The following PPP1R8 variants were observed in gnomAD, a reference collection of about 807,000 sequenced individuals.
PPP1R8 encodes the protein protein phosphatase 1 regulatory subunit 8, also known as nuclear inhibitor of protein phosphatase 1.
A neutral mutation model predicts 31.3 loss-of-function variants in PPP1R8; 4 were observed. The observed-to-expected ratio is 0.13, with a 90% CI of 0.06 to 0.29. The LOEUF (loss-of-function observed/expected upper bound fraction) is 0.29. PPP1R8 is among the 10% of genes least tolerant of loss of function. The pLI is 1.00. For synonymous variants in PPP1R8, 170 were observed against 169.7 expected (o/e 1.00, Z -0.01); for missense variants, 254 against 440.1 (o/e 0.58, Z 3.78).
chr1:27,839,923 T>C (rs1003004898), intron 3 of PPP1R8, among the ~76,000 whole-genome samples: 1 of 151,918 alleles, frequency 6.6e-6, no homozygotes, highest in African/African-American at 2.4e-5. Context: ...TAGCCCTGTA[T>C]TGTGGAGTGC....
At chr1:27,835,100 C>CT (rs1290447652) in intron 2 of PPP1R8, among the ~76,000 whole-genome samples, 6 of 151,418 alleles carry the variant, frequency 4.0e-5, no homozygotes, top group Admixed American at 1.3e-4. Flanking sequence ...TGGAGGCACT[C>CT]TTTTTTTTTC....
In PPP1R8 at chr1:27,838,800, A is replaced by C. The variant is rs1213490668; in HGVS notation, c.219A>C (p.Ala73=). Residue 73 remains alanine (A), a synonymous_variant, in exon 3 of 7, where the codon GCA becomes GCC. Transcript: ENST00000311772. The part of the protein sequence containing the change: ...DHQSCSRVHA[A]LVYHKHLKRV... Reference sequence around the variant, plus strand: ...AGTCTTGCTCTCGGGTCCATGCTGCACTTGTCTACCACAAGCATCTGAAGA... The same window carrying C: ...AGTCTTGCTCTCGGGTCCATGCTGCCCTTGTCTACCACAAGCATCTGAAGA... 1.7e-5 allele frequency: 27 copies of C among 1,612,638 alleles called. No homozygotes were observed. Among genetic ancestry groups the C allele is most frequent in the Non-Finnish European group, 2.2e-5 (26 of 1,179,402 alleles).
intron 3 of PPP1R8, among the ~76,000 whole-genome samples, chr1:27,839,889 G>A (rs1209565534): frequency 2.0e-5 from 3 of 151,834 alleles, no homozygotes; most frequent in African/African-American, 4.8e-5. Context: ...TGAGACCCGC[G>A]TCTCTACAAA....
chr1:27,844,393 A>T (rs1379736199), intron 5 of PPP1R8, among the ~76,000 whole-genome samples: 4 of 150,844 alleles, frequency 2.7e-5, no homozygotes, highest in South Asian at 2.1e-4. Flanking sequence ...CAGTGACGCA[A>T]TCTCGGCTCA....
intron 5 of PPP1R8, among the ~76,000 whole-genome samples, chr1:27,843,543 C>T (rs1053275813): frequency 2.6e-5 from 4 of 151,968 alleles, no homozygotes; most frequent in Non-Finnish European, 5.9e-5. Context: ...GCCTGTAGTC[C>T]CAGCTACTTG....
Position 27,847,022 on chromosome 1 carries a change from T to A in PPP1R8, c.638-6T>A, listed in dbSNP as rs1443541943. The stretch of plus-strand genomic sequence containing the variant: ...AACCCAACCCTGCCCTCTTCTCTTT[T>A]TGCAGAGGATGTGGATCCCTCAGTT... On this transcript the variant is annotated splice_polypyrimidine_tract_variant and splice_region_variant and intron_variant, in intron 5 of 6. Coordinates refer to ENST00000311772, the MANE Select transcript of PPP1R8 (RefSeq NM_014110.5). The A allele has an allele frequency of 2.5e-6, 4 of 1,613,668 alleles. No homozygotes were observed. The South Asian group carries it at 4.4e-5, about 18-fold the overall frequency.
Position 27,836,477 on chromosome 1 carries a change from C to CTGT in PPP1R8, c.118-2222_118-2221insTGT, listed in dbSNP as rs1557427161. On this transcript the variant is annotated intron_variant, in intron 2 of 6. Transcript: ENST00000311772. Reference sequence around the variant, plus strand: ...GTCGCCCAGGCTGGAGTGCAGTGGCCGATCTCGGCTCACTGCAAGCTCTGC... The same window carrying CTGT: ...GTCGCCCAGGCTGGAGTGCAGTGGCCTGTGATCTCGGCTCACTGCAAGCTCTGC... 3.4e-3 allele frequency among the ~76,000 whole-genome samples: 510 copies of CTGT among 152,172 alleles called. 4 individuals carry two copies. The highest frequency in any genetic ancestry group is 0.012 in the African/African-American group (495 of 41,532).
intron 2 of PPP1R8, among the ~76,000 whole-genome samples, chr1:27,836,730 A>T (rs1353372363): frequency 6.6e-6 from 1 of 151,890 alleles, no homozygotes; most frequent in Admixed American, 6.5e-5. Context: ...CAAGTTTTTT[A>T]TAAAGCTAAA....
chr1:27,846,748 C>G (rs754566756), intron 5 of PPP1R8, among the ~76,000 whole-genome samples: 1 of 152,310 alleles, frequency 6.6e-6, no homozygotes, highest in Non-Finnish European at 1.5e-5. Flanking sequence ...TACTTGGACT[C>G]AAGTCCTGGC....
At chr1:27,848,290 A>C (rs2148620570) in intron 6 of PPP1R8, among the ~76,000 whole-genome samples, 1 of 152,276 alleles carries the variant, frequency 6.6e-6, no homozygotes, top group South Asian at 2.1e-4. Context: ...CTATAGTCCC[A>C]GCTACTCAGG....
intron 2 of PPP1R8, among the ~76,000 whole-genome samples, chr1:27,833,655 T>A (rs2089133960): frequency 6.6e-6 from 1 of 152,180 alleles, no homozygotes; most frequent in Admixed American, 6.5e-5. Context: ...TTAGACCAAT[T>A]TTATATTTGC....
chr1:27,850,367 C>T lies in PPP1R8; in HGVS notation c.977C>T (p.Ala326Val). The T allele has an allele frequency of 6.2e-7, 1 of 1,613,544 alleles. No individual in the cohort carries two copies. The highest frequency in any genetic ancestry group is 8.5e-7 in the Non-Finnish European group (1 of 1,179,742). ...AACCCTGCAGTCTATAACCCTGAAG[C>T]TGTAAATGAACCCAAGAAGAAGAAA... is the stretch of plus-strand genomic sequence containing the variant. ...APNPAVYNPEAVNEPKKKKYA... is the reference protein window; with the variant it reads ...APNPAVYNPEVVNEPKKKKYA... The change falls in exon 7 of 7, where the codon GCT (alanine) becomes GTT (valine). Residue 326 changes from alanine (A) to valine (V), a missense_variant. By Grantham distance (64) the Ala-to-Val change is moderately conservative (BLOSUM62 0). Coordinates refer to ENST00000311772, the MANE Select transcript of PPP1R8 (RefSeq NM_014110.5).
chr1:27,831,032 C>T (rs1571541939), intron 1 of PPP1R8, 141 bp downstream of exon 1: 31 of 1,400,298 alleles, frequency 2.2e-5, no homozygotes, highest in East Asian at 2.8e-5. Flanking sequence ...GTTTGCTGCA[C>T]CGGGCCGGGC....
At chr1:27,840,747 C>T (rs2089214669) in intron 3 of PPP1R8, among the ~76,000 whole-genome samples, 1 of 152,136 alleles carries the variant, frequency 6.6e-6, no homozygotes, top group Non-Finnish European at 1.5e-5. Context: ...CGAGGAGATT[C>T]AAGGCTCAGT....
chr1:27,851,362 C>T lies in PPP1R8; in HGVS notation c.*916C>T, dbSNP rs1306281465. The T allele has an allele frequency of 3.0e-6, 1 of 335,914 alleles. No individual in the cohort carries two copies. Among genetic ancestry groups the T allele is most frequent in the East Asian group, 7.5e-5 (1 of 13,260 alleles). 20.8% of individuals were successfully genotyped at this position (335,914 alleles called of 1,614,324 possible). A position where few individuals can be genotyped will look rare whatever the true frequency, so the allele number is the denominator to read the frequency against. On this transcript the variant is annotated 3_prime_UTR_variant, in exon 7 of 7. Coordinates refer to ENST00000311772, the MANE Select transcript of PPP1R8 (RefSeq NM_014110.5). Reference sequence around the variant, plus strand: ...AATTGAGAGCTCTTGTTATTCAGAGCTCCAAGACTAGACCTGGCTAACAAA... The same window carrying T: ...AATTGAGAGCTCTTGTTATTCAGAGTTCCAAGACTAGACCTGGCTAACAAA...
At chr1:27,831,196 C>G (rs2089100477) in intron 1 of PPP1R8, 1 of 1,154,426 alleles carries the variant, frequency 8.7e-7, no homozygotes, top group South Asian at 2.7e-5. Context: ...ACGCCCAACT[C>G]TTGACTGAGT....
At chr1:27,832,837 CT>C (rs1374970223) in intron 2 of PPP1R8, 21 bp downstream of exon 2, 9 of 1,586,630 alleles carry the variant, frequency 5.7e-6, no homozygotes, top group African/African-American at 4.0e-5. Flanking sequence ...ACATGTCTTA[CT>C]TTTTTGGCTG....
chr1:27,841,302 A>G lies in PPP1R8; in HGVS notation c.492+68A>G, dbSNP rs563643929. ...GGTTTTTGGAGTATACAGCTGTTCT[A>G]TGTAGCTGGAAATGCCAGTGACTTA... On this transcript the variant is annotated intron_variant, in intron 4 of 6. Coordinates refer to ENST00000311772, the MANE Select transcript of PPP1R8 (RefSeq NM_014110.5). The G allele has an allele frequency of 4.5e-4, 678 of 1,520,020 alleles. 2 individuals are homozygous for G. The highest frequency in any genetic ancestry group is 5.7e-4 in the Non-Finnish European group (637 of 1,111,374). 94.2% of individuals were successfully genotyped at this position (1,520,020 alleles called of 1,614,324 possible).
intron 6 of PPP1R8, among the ~76,000 whole-genome samples, chr1:27,849,371 CAAAAAAAAAAAA>C (rs544902286): frequency 1.3e-5 from 1 of 77,458 alleles, no homozygotes; most frequent in African/African-American, 3.8e-5. Flanking sequence ...AACTCTGTCT[CAAAAAAAAAAAA>C]AAAAAAAAAT....
Sources: allele counts gnomAD v4.1 joint callset (sites outside exome capture counted in the v4.1 genomes callset), GRCh38; gene constraint gnomAD v4.1.1; transcripts MANE v1.5; gene names NCBI Gene and HGNC (gene_info 2026-07-23, HGNC 2026-07-21).